BTBD18: variants seen among roughly 807,000 people sequenced by gnomAD.
BTBD18 encodes BTB/POZ domain-containing protein 18.
For missense variants in BTBD18, 787 were observed against 846.3 expected (o/e 0.93, Z 0.87); for synonymous variants, 311 against 324.4 (o/e 0.96, Z 0.44).
Position 57,744,892 on chromosome 11 carries a change from T to C in BTBD18, c.1381A>G (p.Ile461Val), listed in dbSNP as rs747341415. 13 of 1,551,500 alleles carry C rather than the reference T, an allele frequency of 8.4e-6. No homozygotes were observed. The South Asian group carries it at 1.3e-4, about 16-fold the overall frequency. ...AATGCATAGGGTTCTCTGCAGTCAA[T>C]AGCCAACATAGGTTCCTTCTCTACC... is the stretch of plus-strand genomic sequence containing the variant. Reference protein sequence around the residue: ...ELVEKEPMLAIDCREPYAFDT... With the variant: ...ELVEKEPMLAVDCREPYAFDT... Residue 461 changes from isoleucine to valine, a missense_variant, in exon 3 of 3, where the codon ATT (isoleucine) becomes GTT (valine). Transcript: ENST00000422652.
At position 57,744,056 on chromosome 11, in the gene BTBD18, A is replaced by G. The variant is rs1949143261; in HGVS notation, c.*78T>C. On this transcript the variant is annotated 3_prime_UTR_variant, in exon 3 of 3. Coordinates refer to ENST00000422652, the MANE Select transcript of BTBD18 (RefSeq NM_001145101.3). ...GCCTCTTGTGCTGAGGGCACGTGCC[A>G]GCTTCTCTGCCAGTAAGCCTTTTGC... The G allele has an allele frequency of 2.7e-6, 3 of 1,119,292 alleles. No individual in the cohort carries two copies. The highest frequency in any genetic ancestry group is 5.0e-5 in the Admixed American group (2 of 40,272). 69.3% of individuals were successfully genotyped at this position (1,119,292 alleles called of 1,614,324 possible). A position where few individuals can be genotyped will look rare whatever the true frequency, so the allele number is the denominator to read the frequency against.
At chr11:57,751,330 T>C in intron 1 of BTBD18, 94 bp from the exon 2 acceptor site, 1 of 605,010 alleles carries the variant, frequency 1.7e-6, no homozygotes, top group Non-Finnish European at 2.7e-6. Context: ...TGAGAGATAA[T>C]AGTATGAGTT....
Position 57,745,877 on chromosome 11 carries a change from C to T in BTBD18, c.396G>A (p.Lys132=), listed in dbSNP as rs1274815928. The part of the protein sequence containing the change: ...SLQLEGGKLV[K]APQGRRLNRE... ...GGTTCAGCCTTCGGCCCTGTGGGGC[C>T]TTCACCAACTTTCCACCCTCAAGCT... The change falls in exon 3 of 3, where the codon AAG becomes AAA. Residue 132 remains lysine, a synonymous_variant. Coordinates refer to ENST00000422652, the MANE Select transcript of BTBD18 (RefSeq NM_001145101.3). The T allele has an allele frequency of 3.9e-6, 6 of 1,551,542 alleles. No individual in the cohort carries two copies. The African/African-American group carries it at 8.2e-5, about 21-fold the overall frequency.
At chr11:57,753,088 G>A (rs1949349252), upstream of BTBD18, among the ~76,000 whole-genome samples, 2 of 152,152 alleles carry the variant, frequency 1.3e-5, no homozygotes, top group East Asian at 1.9e-4. Flanking sequence ...AGCGAGGGTT[G>A]TAAGGCCACG....
chr11:57,751,028 T>A, intron 2 of BTBD18, 37 bp downstream of exon 2: 5 of 1,493,170 alleles, frequency 3.3e-6, no homozygotes, highest in Non-Finnish European at 3.6e-6. Flanking sequence ...TCTTATTCTA[T>A]GGTGAGTTTT....
chr11:57,744,553 G>C lies in BTBD18; in HGVS notation c.1720C>G (p.Pro574Ala). 1 of 1,551,648 alleles carries C rather than the reference G, an allele frequency of 6.4e-7. No individual in the cohort carries two copies. The highest frequency in any genetic ancestry group is 2.4e-5 in the East Asian group (1 of 40,914). ...CTCACCTCAGAGGGCATGACAAGGG[G>C]GCTAAGGAGCTCAGTTGGCCCTCTG... ...ENRGPTELLS[P>A]LVMPSEVSEV... The change falls in exon 3 of 3, where the codon CCC (proline) becomes GCC (alanine). Residue 574 changes from proline (P) to alanine (A), a missense_variant. Coordinates refer to ENST00000422652, the MANE Select transcript of BTBD18 (RefSeq NM_001145101.3).
chr11:57,750,228 T>A (rs947785910), intron 2 of BTBD18, among the ~76,000 whole-genome samples: 1 of 151,480 alleles, frequency 6.6e-6, no homozygotes, highest in Non-Finnish European at 1.5e-5. Flanking sequence ...ATACAAAAAA[T>A]TTTCCGGGTG....
rs781457115 is a variant in BTBD18, at chr11:57,744,645, C to T, written c.1628G>A (p.Cys543Tyr). ...GGGCCAGAGTTCCATGTCTGGTAGA[C>T]ACCATTCTTCCCCTTCAATCCAGTT... is the stretch of plus-strand genomic sequence containing the variant. Reference protein sequence around the residue: ...GKNWIEGEEWCLPDMELWPRE... With the variant: ...GKNWIEGEEWYLPDMELWPRE... Residue 543 changes from cysteine (C) to tyrosine (Y), a missense_variant, in exon 3 of 3, where the codon TGT becomes TAT. Cys to Tyr is a radical substitution (Grantham distance 194). Coordinates refer to ENST00000422652, the MANE Select transcript of BTBD18 (RefSeq NM_001145101.3). The T allele has an allele frequency of 1.2e-5, 18 of 1,551,684 alleles. No individual in the cohort carries two copies. Among genetic ancestry groups the T allele is most frequent in the Non-Finnish European group, 1.4e-5 (16 of 1,147,002 alleles).
intron 2 of BTBD18, among the ~76,000 whole-genome samples, chr11:57,747,002 C>G (rs889767768): frequency 2.0e-5 from 3 of 152,136 alleles, no homozygotes; most frequent in Admixed American, 1.3e-4. Context: ...GTGCCTGACA[C>G]AAAATAAAGG....
chr11:57,745,332 G>A lies in BTBD18; in HGVS notation c.941C>T (p.Pro314Leu), dbSNP rs1949168667. The A allele has an allele frequency of 6.4e-7, 1 of 1,551,696 alleles. No homozygotes were observed. The highest frequency in any genetic ancestry group is 8.7e-7 in the Non-Finnish European group (1 of 1,146,990). Residue 314 changes from proline to leucine, a missense_variant, in exon 3 of 3, where the codon CCA (proline) becomes CTA (leucine). Coordinates refer to ENST00000422652, the MANE Select transcript of BTBD18 (RefSeq NM_001145101.3). The part of the protein sequence containing the change: ...NKETPEDKPK[P>L]GRASPLQSTP... ...GCTCTGCAGAGGACTAGCTCTGCCT[G>A]GTTTTGGCTTGTCCTCTGGTGTTTC...
At position 57,744,446 on chromosome 11, in the gene BTBD18, T is replaced by G. The variant is rs1430101767; in HGVS notation, c.1827A>C (p.Lys609Asn). The G allele has an allele frequency of 6.4e-7, 1 of 1,551,590 alleles. No homozygotes were observed. The highest frequency in any genetic ancestry group is 1.4e-5 in the African/African-American group (1 of 73,140). The change falls in exon 3 of 3, where the codon AAA (lysine) becomes AAC (asparagine). Residue 609 changes from lysine to asparagine, a missense_variant. Physicochemically the swap from Lys to Asn is moderately conservative, Grantham distance 94. Coordinates refer to ENST00000422652, the MANE Select transcript of BTBD18 (RefSeq NM_001145101.3). ...SSQPLDGQED[K>N]LLHVSSLDTP... ...TATCAAGGGAGCTGACATGGAGAAG[T>G]TTGTCTTCCTGACCATCCAGTGGCT...
Position 57,747,318 on chromosome 11 carries a change from A to G in BTBD18, c.125-1170T>C, listed in dbSNP as rs530605228. 2.6e-5 allele frequency among the ~76,000 whole-genome samples: 4 copies of G among 152,282 alleles called. No individual in the cohort carries two copies. In the East Asian group the frequency reaches 7.7e-4, roughly 29 times the overall value. On this transcript the variant is annotated intron_variant, in intron 2 of 2. Coordinates refer to ENST00000422652, the MANE Select transcript of BTBD18 (RefSeq NM_001145101.3). ...TACCACAGCTGGCATGTCTACATAT[A>G]TGCCTCACAAGCACCTTCAATGCAA...
In BTBD18 at chr11:57,749,745, CAAAAAAAAAAAAAAA is replaced by C. The variant is rs576323420; in HGVS notation, c.124+1305_124+1319del. The stretch of plus-strand genomic sequence containing the variant: ...AGCCTGGGCGACAGCGCAAGAATCT[CAAAAAAAAAAAAAAA>C]AAAAAAAAAAAAATCAAATGAGACA... On this transcript the variant is annotated intron_variant, in intron 2 of 2. Transcript: ENST00000422652. Among the ~76,000 whole-genome samples, 15 of 62,970 alleles carry C rather than the reference CAAAAAAAAAAAAAAA, an allele frequency of 2.4e-4. 1 individual carries two copies. The East Asian group carries it at 8.8e-3, about 37-fold the overall frequency. The allele number at this position is 62,970 out of a possible 152,430, so 41.3% of individuals were successfully genotyped here. A position where few individuals can be genotyped will look rare whatever the true frequency, so the allele number is the denominator to read the frequency against.
At chr11:57,752,539 A>C (rs1018247966), upstream of BTBD18, among the ~76,000 whole-genome samples, 2 of 152,088 alleles carry the variant, frequency 1.3e-5, no homozygotes, top group African/African-American at 4.8e-5. Context: ...AAAAAAAAAA[A>C]ATTCCCATCC....
At chr11:57,749,625 CTG>C (rs1218620233) in intron 2 of BTBD18, among the ~76,000 whole-genome samples, 2 of 152,042 alleles carry the variant, frequency 1.3e-5, no homozygotes, top group African/African-American at 4.8e-5. Context: ...TGGCATATCC[CTG>C]TAATCCCAGC....
chr11:57,752,960 GC>G (rs1949345475), upstream of BTBD18, among the ~76,000 whole-genome samples: 1 of 152,254 alleles, frequency 6.6e-6, no homozygotes, highest in Non-Finnish European at 1.5e-5. Context: ...GATCCGGGAG[GC>G]CCAAAGTCAG....
Position 57,744,073 on chromosome 11 carries a change from G to T in BTBD18, c.*61C>A. On this transcript the variant is annotated 3_prime_UTR_variant, in exon 3 of 3. Transcript: ENST00000422652. ...CACGTGCCAGCTTCTCTGCCAGTAA[G>T]CCTTTTGCTAGCTAACATTTCCCAC... is the stretch of plus-strand genomic sequence containing the variant. 7.7e-7 allele frequency: 1 copy of T among 1,291,396 alleles called. No individual in the cohort carries two copies. The highest frequency in any genetic ancestry group is 1.1e-6 in the Non-Finnish European group (1 of 938,444). 80.0% of individuals were successfully genotyped at this position (1,291,396 alleles called of 1,614,324 possible).
At chr11:57,751,372 G>A (rs1300328110) in intron 1 of BTBD18, 136 bp from the exon 2 acceptor site, 1 of 462,408 alleles carries the variant, frequency 2.2e-6, no homozygotes, top group African/African-American at 2.0e-5. Flanking sequence ...TTGTGCCAAG[G>A]ATATCTCAAG....
upstream of BTBD18, among the ~76,000 whole-genome samples, chr11:57,752,140 T>A (rs1949324513): frequency 6.6e-6 from 1 of 152,220 alleles, no homozygotes; most frequent in Non-Finnish European, 1.5e-5. Flanking sequence ...TGCACAGCTG[T>A]GTTCCTTTCC....
Sources: allele counts gnomAD v4.1 joint callset (sites outside exome capture counted in the v4.1 genomes callset), GRCh38; gene constraint gnomAD v4.1.1; transcripts MANE v1.5; gene names NCBI Gene and HGNC (gene_info 2026-07-23, HGNC 2026-07-21).